DPYD: variants seen among roughly 807,000 people sequenced by gnomAD.
The protein encoded by DPYD is dihydropyrimidine dehydrogenase, also known as dihydropyrimidine dehydrogenase [NADP(+)].
DPYD carries 109 observed loss-of-function variants against 116.2 expected under a neutral mutation model. The observed-to-expected ratio is 0.94, with a 90% CI of 0.80 to 1.10. The LOEUF (loss-of-function observed/expected upper bound fraction) is 1.10. Ranked by LOEUF, DPYD falls within the 50% of genes least tolerant of loss-of-function variation. DPYD has a pLI of 0.00. For synonymous variants in DPYD, 440 were observed against 432.0 expected, an observed-to-expected ratio of 1.02 and a Z score of -0.23; for missense variants, 1,302 against 1,254.5, an observed-to-expected ratio of 1.04 and a Z score of -0.57.
chr1:97,455,878 C>A (rs6593649), intron 13 of DPYD, among the ~76,000 whole-genome samples: 123,377 of 151,742 alleles, frequency 0.81, 50,619 homozygotes, highest in Middle Eastern at 0.88. Flanking sequence ...GCTTATATAA[C>A]GACAGTACTC....
At chr1:97,126,533 G>T (rs947847664) in intron 20 of DPYD, among the ~76,000 whole-genome samples, 1 of 151,974 alleles carries the variant, frequency 6.6e-6, no homozygotes, top group Non-Finnish European at 1.5e-5. Context: ...TAATCTAATA[G>T]GTGAATCCTT....
chr1:97,818,421 T>C (rs922544996), intron 3 of DPYD, among the ~76,000 whole-genome samples: 2 of 152,052 alleles, frequency 1.3e-5, no homozygotes, highest in African/African-American at 4.8e-5. Context: ...TTGATAATTA[T>C]GTAATCAATA....
chr1:97,433,387 AC>A (rs1168077962), intron 14 of DPYD, among the ~76,000 whole-genome samples: 1 of 152,168 alleles, frequency 6.6e-6, no homozygotes, highest in African/African-American at 2.4e-5. Flanking sequence ...AAAGTTCTTT[AC>A]AATTTTAACT....
At chr1:97,138,958 T>C (rs1654003524) in intron 20 of DPYD, among the ~76,000 whole-genome samples, 1 of 152,158 alleles carries the variant, frequency 6.6e-6, no homozygotes, top group African/African-American at 2.4e-5. Context: ...GGCTTGTGGG[T>C]AGTAAATATT....
chr1:97,515,816 G>C lies in DPYD; in HGVS notation c.1650C>G (p.Ser550Arg), dbSNP rs149101842. The C allele has an allele frequency of 6.2e-7, 1 of 1,612,846 alleles. No individual in the cohort carries two copies. Among genetic ancestry groups the C allele is most frequent in the Non-Finnish European group, 8.5e-7 (1 of 1,179,266 alleles). Residue 550 changes from serine (S) to arginine (R), a missense_variant, in exon 13 of 23, where the codon AGC (serine) becomes AGG (arginine). By Grantham distance (110) the Ser-to-Arg change is moderately radical (BLOSUM62 -1). Coordinates refer to ENST00000370192, the MANE Select transcript of DPYD (RefSeq NM_000110.4). Reference sequence around the variant, plus strand: ...TTGATGTGCTGGTGGCTGGAGTTGCGCTAGCAAGACCAAAAGGATTTATAA... The same window carrying C: ...TTGATGTGCTGGTGGCTGGAGTTGCCCTAGCAAGACCAAAAGGATTTATAA... ...LKFINPFGLASATPATSTSMI... is the reference protein window; with the variant it reads ...LKFINPFGLARATPATSTSMI...
At chr1:97,386,392 T>C (rs1672350614) in intron 14 of DPYD, among the ~76,000 whole-genome samples, 1 of 151,680 alleles carries the variant, frequency 6.6e-6, no homozygotes, top group Non-Finnish European at 1.5e-5. Context: ...CTTACTACAC[T>C]GGGAAAAAAT....
chr1:97,369,135 A>G (rs72728416), intron 16 of DPYD, among the ~76,000 whole-genome samples: 39,221 of 152,028 alleles, frequency 0.26, 5,280 homozygotes, highest in South Asian at 0.43. Context: ...AAAAGGGGAA[A>G]ACCTCAAAAA....
chr1:97,325,983 C>T (rs1444017105), intron 16 of DPYD, among the ~76,000 whole-genome samples: 2 of 151,554 alleles, frequency 1.3e-5, no homozygotes, highest in South Asian at 2.1e-4. Context: ...ATGTTTAATC[C>T]ATGTTTTAGA....
At chr1:97,289,809 T>C (rs1666006125) in intron 18 of DPYD, among the ~76,000 whole-genome samples, 1 of 150,958 alleles carries the variant, frequency 6.6e-6, no homozygotes, top group Non-Finnish European at 1.5e-5. Flanking sequence ...GCCACTCCTA[T>C]TCAACATAGT....
chr1:97,290,372 C>A (rs189012598), intron 18 of DPYD, among the ~76,000 whole-genome samples: 1 of 152,070 alleles, frequency 6.6e-6, no homozygotes, highest in South Asian at 2.1e-4. Flanking sequence ...GAGCCCACAT[C>A]GCCAAGTCAA....
intron 4 of DPYD, among the ~76,000 whole-genome samples, chr1:97,722,705 T>C (rs1329581134): frequency 6.6e-6 from 1 of 151,640 alleles, no homozygotes; most frequent in East Asian, 1.9e-4. Flanking sequence ...TACAGATTCC[T>C]AGTGATTACA....
rs143282867 is a variant in DPYD at position 97,144,601 on chromosome 1, A to G, written c.2623-45969T>C. 4.3e-3 allele frequency among the ~76,000 whole-genome samples: 651 copies of G among 152,264 alleles called. 3 individuals are homozygous for G. The highest frequency in any genetic ancestry group is 0.015 in the African/African-American group (630 of 41,556). On this transcript the variant is annotated intron_variant, in intron 20 of 22. Coordinates refer to ENST00000370192, the MANE Select transcript of DPYD (RefSeq NM_000110.4). ...CCATTTCTACAATAAATAGATTAAA[A>G]TCAACAGAGAAAAGCTTCAAAAAGT... is the stretch of plus-strand genomic sequence containing the variant.
chr1:97,655,655 T>C (rs989274233), intron 8 of DPYD, among the ~76,000 whole-genome samples: 1 of 152,338 alleles, frequency 6.6e-6, no homozygotes, highest in East Asian at 1.9e-4. Context: ...AGTCTTTTTA[T>C]AGCAGAAGCA....
At chr1:97,663,595 C>G (rs1324085307) in intron 8 of DPYD, among the ~76,000 whole-genome samples, 1 of 152,200 alleles carries the variant, frequency 6.6e-6, no homozygotes, top group Non-Finnish European at 1.5e-5. Context: ...AAACCATTTT[C>G]ACAGTGCGAC....
intron 14 of DPYD, among the ~76,000 whole-genome samples, chr1:97,419,446 T>C (rs1247581480): frequency 1.3e-5 from 2 of 152,322 alleles, no homozygotes; most frequent in Non-Finnish European, 2.9e-5. Context: ...TAATACATTA[T>C]GATTTTTGTT....
At chr1:97,541,384 C>T (rs1650443311) in intron 12 of DPYD, among the ~76,000 whole-genome samples, 1 of 152,060 alleles carries the variant, frequency 6.6e-6, no homozygotes, top group Non-Finnish European at 1.5e-5. Context: ...AGGTGTTGGT[C>T]AAACCACTGA....
rs1659374888 is a variant in DPYD at position 97,203,663 on chromosome 1, C to CCG, written c.2443-10416_2443-10415insCG. Among the ~76,000 whole-genome samples the CCG allele has an allele frequency of 2.3e-4, 4 of 17,176 alleles. 1 individual carries two copies. Among genetic ancestry groups the CCG allele is most frequent in the African/African-American group, 3.9e-4 (1 of 2,580 alleles). The allele number at this position is 17,176 out of a possible 152,430, so 11.3% of individuals were successfully genotyped here. On this transcript the variant is annotated intron_variant, in intron 19 of 22. Coordinates refer to ENST00000370192, the MANE Select transcript of DPYD (RefSeq NM_000110.4). ...AAAAATAATAAAGGATGAGTTCAGA[C>CCG]CCCCCCCCCCCAAAAAAAAAAAAAG...
chr1:97,705,020 C>A (rs1661840932), intron 5 of DPYD, among the ~76,000 whole-genome samples: 1 of 151,982 alleles, frequency 6.6e-6, no homozygotes, highest in African/African-American at 2.4e-5. Flanking sequence ...GTCTTCAACC[C>A]TCCTTTATGG....
intron 21 of DPYD, among the ~76,000 whole-genome samples, chr1:97,089,707 A>G (rs1037759452): frequency 6.6e-6 from 1 of 152,032 alleles, no homozygotes; most frequent in Non-Finnish European, 1.5e-5. Context: ...CTATGCTATT[A>G]TGCATTGGAA....
Sources: gnomAD v4.1 joint callset for allele counts (sites outside exome capture counted in the v4.1 genomes callset) on GRCh38, gnomAD v4.1.1 for gene constraint, MANE v1.5 for transcripts, NCBI Gene and HGNC (gene_info 2026-07-23, HGNC 2026-07-21) for gene names.